The following CELF4 variants were observed in gnomAD, a reference collection of about 807,000 sequenced individuals.
CELF4 encodes the protein CUG-BP- and ETR-3-like factor 4.
CELF4 carries 18 observed loss-of-function variants against 59.9 expected under a neutral mutation model. The ratio of observed to expected loss-of-function variants is 0.30; its 90% CI spans 0.21 to 0.45. CELF4 has a LOEUF of 0.45. Ranked by LOEUF, CELF4 falls within the 20% of genes least tolerant of loss-of-function variation. The pLI is 1.00. For missense variants in CELF4, 456 were observed against 689.0 expected, an observed-to-expected ratio of 0.66 and a Z score of 3.79; for synonymous variants, 261 against 267.1, an observed-to-expected ratio of 0.98 and a Z score of 0.22.
chr18:37,392,527 G>A (rs2099173959), intron 2 of CELF4, among the ~76,000 whole-genome samples: 1 of 152,164 alleles, frequency 6.6e-6, no homozygotes, highest in Admixed American at 6.5e-5. Context: ...TCACTGCAAG[G>A]CCATGCTCTG....
chr18:37,252,092 G>A (rs147585886), intron 12 of CELF4, among the ~76,000 whole-genome samples: 1 of 152,100 alleles, frequency 6.6e-6, no homozygotes, highest in Non-Finnish European at 1.5e-5. Context: ...GTGTTCTGCT[G>A]GTATCTGTAC....
intron 12 of CELF4, among the ~76,000 whole-genome samples, chr18:37,247,666 TACAC>T (rs947795557): frequency 1.8e-4 from 27 of 150,652 alleles, no homozygotes; most frequent in African/African-American, 4.9e-4. Flanking sequence ...CATACACACA[TACAC>T]ACACACGGTT....
intron 1 of CELF4, among the ~76,000 whole-genome samples, chr18:37,510,686 G>C (rs1022588791): frequency 6.6e-6 from 1 of 152,210 alleles, no homozygotes; most frequent in Non-Finnish European, 1.5e-5. Context: ...CCTGTAGGAT[G>C]GTCCAGCAGT....
At chr18:37,307,442 C>T (rs1603430774) in intron 3 of CELF4, among the ~76,000 whole-genome samples, 1 of 152,180 alleles carries the variant, frequency 6.6e-6, no homozygotes, top group Non-Finnish European at 1.5e-5. Context: ...GACAAAACCC[C>T]AACCTGGAGT....
chr18:37,408,498 G>GCGGGGGA (rs57017369), intron 2 of CELF4, among the ~76,000 whole-genome samples: 2 of 51,998 alleles, frequency 3.8e-5, no homozygotes, highest in Non-Finnish European at 5.4e-5. Context: ...GTGCCGGGGG[G>GCGGGGGA]GGGCGCGGTG....
At chr18:37,259,429 G>C (rs371424981) in intron 10 of CELF4, among the ~76,000 whole-genome samples, 165 bp from the exon 11 acceptor site, 2 of 152,136 alleles carry the variant, frequency 1.3e-5, no homozygotes, top group African/African-American at 4.8e-5. Context: ...GAAGAGGCAG[G>C]GATGCTGAGC....
intron 2 of CELF4, among the ~76,000 whole-genome samples, chr18:37,403,033 C>T (rs201474317): frequency 5.3e-5 from 8 of 152,140 alleles, no homozygotes; most frequent in Non-Finnish European, 1.2e-4. Flanking sequence ...GGCAGGCTCT[C>T]CAGCCCCAGG....
intron 2 of CELF4, among the ~76,000 whole-genome samples, chr18:37,402,562 G>T (rs1407134287): frequency 1.3e-5 from 2 of 152,164 alleles, no homozygotes; most frequent in Admixed American, 1.3e-4. Flanking sequence ...AAGTAGGTGT[G>T]GGGTAGGGTG....
At chr18:37,510,853 G>A (rs561591803) in intron 1 of CELF4, among the ~76,000 whole-genome samples, 12 of 152,328 alleles carry the variant, frequency 7.9e-5, no homozygotes, top group African/African-American at 2.9e-4. Flanking sequence ...AACAGTCAGT[G>A]CTGACCCAGG....
At chr18:37,265,658 C>G (rs2077180597) in intron 9 of CELF4, among the ~76,000 whole-genome samples, 1 of 152,194 alleles carries the variant, frequency 6.6e-6, no homozygotes, top group African/African-American at 2.4e-5. Context: ...CGGCTCCCTC[C>G]TCTGCCTGGC....
At chr18:37,518,690 G>A (rs1375023623) in intron 1 of CELF4, among the ~76,000 whole-genome samples, 1 of 152,176 alleles carries the variant, frequency 6.6e-6, no homozygotes, top group Non-Finnish European at 1.5e-5. Flanking sequence ...CAATCTTGCT[G>A]GGGTTGGAGT....
chr18:37,256,027 T>C (rs893620429), intron 11 of CELF4, among the ~76,000 whole-genome samples: 8 of 152,192 alleles, frequency 5.3e-5, no homozygotes, highest in Non-Finnish European at 1.2e-4. Context: ...CTTGAACTGT[T>C]AGTAACTGGC....
rs1032031862 is a variant in CELF4 at position 37,254,835 on chromosome 18, C to T, written c.1334-897G>A. ...GTTCCCAAAATGAGGTCAGAAGTCA[C>T]CTTTGGGGAACTCTGAATGCATCTC... On this transcript the variant is annotated intron_variant, in intron 11 of 12. Coordinates refer to ENST00000420428, the MANE Select transcript of CELF4 (RefSeq NM_020180.4). This position sits in a 1 kb window ranked among gnomAD's most constrained non-coding sequence, Gnocchi z 5.1. 2.6e-5 allele frequency among the ~76,000 whole-genome samples: 4 copies of T among 152,214 alleles called. No individual in the cohort carries two copies. Among genetic ancestry groups the T allele is most frequent in the African/African-American group, 9.6e-5 (4 of 41,460 alleles).
chr18:37,259,252 C>T lies in CELF4; in HGVS notation c.1262G>A (p.Cys421Tyr). The change falls in exon 11 of 13, where the codon TGT becomes TAT. Residue 421 changes from cysteine to tyrosine, a missense_variant. Cys to Tyr is a radical substitution (Grantham distance 194, BLOSUM62 -2). This residue lies in a region of CELF4 where 256 missense variants were observed against 340.8 expected (regional missense o/e 0.75). Transcript: ENST00000420428. ...PQQQREGPEG[C>Y]NLFIYHLPQE... ...GGGCAGATGGTAGATGAACAGGTTA[C>T]AGCCCTCGGGCCCTGCGGTGAGGGG... The T allele has an allele frequency of 6.3e-7, 1 of 1,594,784 alleles. No homozygotes were observed. Among genetic ancestry groups the T allele is most frequent in the South Asian group, 1.1e-5 (1 of 90,286 alleles).
At chr18:37,379,401 TTAA>T (rs2099009694) in intron 2 of CELF4, among the ~76,000 whole-genome samples, 2 of 148,052 alleles carry the variant, frequency 1.4e-5, no homozygotes, top group Non-Finnish European at 3.0e-5. Context: ...CAATTACGTG[TTAA>T]TGATGCTGGC....
At chr18:37,301,357 T>A (rs2096019842) in intron 3 of CELF4, among the ~76,000 whole-genome samples, 1 of 152,142 alleles carries the variant, frequency 6.6e-6, no homozygotes, top group South Asian at 2.1e-4. Context: ...GACTGGACAC[T>A]AAAAGACGGC....
chr18:37,365,899 C>A (rs2098774784), intron 2 of CELF4, among the ~76,000 whole-genome samples: 2 of 152,126 alleles, frequency 1.3e-5, no homozygotes, highest in South Asian at 2.1e-4. Context: ...ATAGTAAAAT[C>A]CTGCCTATGG....
chr18:37,329,968 G>T (rs984622844), intron 2 of CELF4, among the ~76,000 whole-genome samples: 1 of 152,126 alleles, frequency 6.6e-6, no homozygotes, highest in Admixed American at 6.5e-5. Flanking sequence ...CATTGCCCAG[G>T]TCTGTGCATT....
At chr18:37,427,412 G>T (rs868719882) in intron 2 of CELF4, among the ~76,000 whole-genome samples, 1 of 152,146 alleles carries the variant, frequency 6.6e-6, no homozygotes, top group East Asian at 1.9e-4. Flanking sequence ...TGGGGGATTT[G>T]CTCTGTGGAC....
Sources: allele counts gnomAD v4.1 joint callset (sites outside exome capture counted in the v4.1 genomes callset), GRCh38; gene constraint gnomAD v4.1.1; regional missense constraint gnomAD v4.1.1; non-coding constraint Gnocchi (gnomAD v3.1); transcripts MANE v1.5; gene names NCBI Gene and HGNC (gene_info 2026-07-23, HGNC 2026-07-21).